Variants in PLEKHA7 observed in about 807,000 individuals in gnomAD.
PLEKHA7 encodes pleckstrin homology domain containing A7, also known as pleckstrin homology domain-containing family A member 7.
In PLEKHA7, 104 loss-of-function variants were observed where a neutral mutation model predicts 170.0. That is an observed-to-expected ratio of 0.61 (90% CI 0.52 to 0.72). The LOEUF (loss-of-function observed/expected upper bound fraction) is 0.72. Among genes scored for constraint, PLEKHA7 ranks in the 30% least tolerant of loss-of-function variants. The probability of loss-of-function intolerance (pLI) is 0.00; values close to 1 mark genes in which losing one functional copy is unlikely to be tolerated. For missense variants in PLEKHA7, 1,615 were observed against 1,671.7 expected (o/e 0.97, Z 0.59); for synonymous variants, 648 against 660.8 (o/e 0.98, Z 0.30).
At chr11:16,806,664 G>A (rs1376345716) in intron 13 of PLEKHA7, among the ~76,000 whole-genome samples, 2 of 152,206 alleles carry the variant, frequency 1.3e-5, no homozygotes, top group African/African-American at 4.8e-5. Context: ...GCAGGGGGTG[G>A]CATTTTATTC....
intron 3 of PLEKHA7, among the ~76,000 whole-genome samples, chr11:16,899,189 T>A (rs1472859801): frequency 6.6e-6 from 1 of 152,196 alleles, no homozygotes; most frequent in Non-Finnish European, 1.5e-5. Context: ...GGAAATGTGT[T>A]CAATATAGAC....
At chr11:16,906,236 A>AAGGT (rs1857660721) in intron 3 of PLEKHA7, among the ~76,000 whole-genome samples, 3 of 64,720 alleles carry the variant, frequency 4.6e-5, no homozygotes, top group African/African-American at 1.6e-4. Flanking sequence ...GGAAGGAAGG[A>AAGGT]AGGAAGGAAG....
intron 9 of PLEKHA7, among the ~76,000 whole-genome samples, chr11:16,831,868 T>C (rs889959906): frequency 2.0e-5 from 3 of 152,194 alleles, no homozygotes; most frequent in Non-Finnish European, 2.9e-5. Context: ...CACTACCCAG[T>C]AGGTATTCCC....
At chr11:16,896,477 C>T (rs558390052) in intron 3 of PLEKHA7, among the ~76,000 whole-genome samples, 13 of 152,292 alleles carry the variant, frequency 8.5e-5, no homozygotes, top group African/African-American at 3.1e-4. Context: ...CCCTCACTCC[C>T]CATCAGTCAG....
intron 3 of PLEKHA7, among the ~76,000 whole-genome samples, chr11:16,990,807 A>G (rs1475400904): frequency 6.6e-6 from 1 of 152,184 alleles, no homozygotes; most frequent in Non-Finnish European, 1.5e-5. Flanking sequence ...CAGAGCATTG[A>G]GTGAATCCTA....
In PLEKHA7 at chr11:16,853,982, G is replaced by A. The variant is rs561355773; in HGVS notation, c.522+907C>T. Among the ~76,000 whole-genome samples the A allele has an allele frequency of 7.2e-5, 11 of 152,352 alleles. No individual in the cohort carries two copies. In the East Asian group the frequency reaches 2.1e-3, roughly 29 times the overall value. ...TATTTTTAGATGCTATGCTAGGTGA[G>A]AGACAGGGCTGGGTGACAATGTGAC... On this transcript the variant is annotated intron_variant, in intron 6 of 26. Transcript: ENST00000531066.
intron 3 of PLEKHA7, among the ~76,000 whole-genome samples, chr11:16,906,025 G>A: frequency 6.6e-6 from 1 of 152,146 alleles, no homozygotes. Context: ...ACTGCTGAGG[G>A]CAGGTGACAG....
intron 3 of PLEKHA7, among the ~76,000 whole-genome samples, chr11:16,907,250 G>A (rs1316512686): frequency 7.0e-6 from 1 of 143,190 alleles, no homozygotes; most frequent in Admixed American, 6.9e-5. Flanking sequence ...CCCCGTCCGG[G>A]AAGGATGTGG....
chr11:17,007,705 C>G (rs1021788130), intron 3 of PLEKHA7, among the ~76,000 whole-genome samples: 1 of 151,738 alleles, frequency 6.6e-6, no homozygotes, highest in East Asian at 1.9e-4. Context: ...TCCCTAATAG[C>G]TGGGACTATG....
chr11:16,893,441 T>A (rs533110587), intron 3 of PLEKHA7, among the ~76,000 whole-genome samples: 1 of 152,280 alleles, frequency 6.6e-6, no homozygotes, highest in African/African-American at 2.4e-5. Context: ...CACAGGGAGC[T>A]CTTACAGCTC....
At chr11:16,953,188 C>T (rs1861509086) in intron 3 of PLEKHA7, among the ~76,000 whole-genome samples, 1 of 152,224 alleles carries the variant, frequency 6.6e-6, no homozygotes, top group Admixed American at 6.5e-5. Context: ...ACACAGGAAA[C>T]AGCAAAGGTA....
At chr11:16,844,687 GC>G (rs1272061288) in intron 8 of PLEKHA7, among the ~76,000 whole-genome samples, 3 of 152,190 alleles carry the variant, frequency 2.0e-5, no homozygotes, top group Admixed American at 1.3e-4. Flanking sequence ...AAGACATGAT[GC>G]CCCTAGGATA....
rs75507459 is a variant in PLEKHA7 at position 16,990,420 on chromosome 11, G to A, written c.221+23569C>T. Among the ~76,000 whole-genome samples the A allele has an allele frequency of 6.5e-3, 986 of 152,086 alleles. 4 individuals carry two copies. The highest frequency in any genetic ancestry group is 9.7e-3 in the Non-Finnish European group (657 of 68,012). ...ATACAGCACTCGTACCTCACCATCTGTGCTACACTTGAGGCTGCACTGTTT... is the reference window on the plus strand; with the variant it reads ...ATACAGCACTCGTACCTCACCATCTATGCTACACTTGAGGCTGCACTGTTT... On this transcript the variant is annotated intron_variant, in intron 3 of 26. Transcript: ENST00000531066.
intron 3 of PLEKHA7, among the ~76,000 whole-genome samples, chr11:16,962,191 G>A (rs1201825625): frequency 6.6e-6 from 1 of 152,216 alleles, no homozygotes; most frequent in African/African-American, 2.4e-5. Flanking sequence ...AGACTGCCTG[G>A]ATTCCAATCC....
rs138884562 is a variant in PLEKHA7, at chr11:16,807,096, G to A, written c.2008-3801C>T. 5.3e-4 allele frequency: 479 copies of A among 904,358 alleles called. 2 individuals carry two copies. The African/African-American group carries it at 7.3e-3, about 14-fold the overall frequency. 56.0% of individuals were successfully genotyped at this position (904,358 alleles called of 1,614,324 possible). A position where few individuals can be genotyped will look rare whatever the true frequency, so the allele number is the denominator to read the frequency against. On this transcript the variant is annotated intron_variant, in intron 13 of 26. Transcript: ENST00000531066. ...AAGTGATGAAGTCGGCACCGAGCCA[G>A]AAGCAATGGAATGACCCCGCTTGGA...
intron 17 of PLEKHA7, among the ~76,000 whole-genome samples, chr11:16,798,660 G>C (rs1259033386): frequency 6.6e-6 from 1 of 152,208 alleles, no homozygotes; most frequent in Non-Finnish European, 1.5e-5. Flanking sequence ...TGCTGACAAG[G>C]ATGTGAGCAA....
intron 9 of PLEKHA7, among the ~76,000 whole-genome samples, chr11:16,830,751 G>C (rs1851041780): frequency 6.6e-6 from 1 of 152,188 alleles, no homozygotes; most frequent in Non-Finnish European, 1.5e-5. Flanking sequence ...GACTATAAGA[G>C]AGTAGCAAAG....
At chr11:16,779,066 C>T (rs1490798014) in intron 26 of PLEKHA7, 46 bp from the exon 27 acceptor site, 1 of 702,202 alleles carries the variant, frequency 1.4e-6, no homozygotes, top group Non-Finnish European at 2.6e-6. Flanking sequence ...ATCCAGGGAG[C>T]AGGCACGTCT....
intron 4 of PLEKHA7, 112 bp from the exon 5 acceptor site, chr11:16,856,026 C>G: frequency 1.2e-6 from 1 of 857,276 alleles, no homozygotes; most frequent in East Asian, 2.5e-5. Flanking sequence ...CAACCCAACC[C>G]TGATTGTTTG....
Sources: gnomAD v4.1 joint callset for allele counts (sites outside exome capture counted in the v4.1 genomes callset) on GRCh38, gnomAD v4.1.1 for gene constraint, MANE v1.5 for transcripts, NCBI Gene and HGNC (gene_info 2026-07-23, HGNC 2026-07-21) for gene names.